The following NEGR1 variants were observed in gnomAD, a reference collection of about 807,000 sequenced individuals.
NEGR1 encodes IgLON family member 4.
In NEGR1, 10 loss-of-function variants were observed where a neutral mutation model predicts 40.9. The observed-to-expected ratio is 0.24, with a 90% confidence interval of 0.15 to 0.42. The LOEUF (loss-of-function observed/expected upper bound fraction) is 0.42, where lower values mean the gene tolerates loss of function less well. Among genes scored for constraint, NEGR1 ranks in the 10% least tolerant of loss-of-function variants. The pLI is 1.00. For synonymous variants in NEGR1, 185 were observed against 166.8 expected, an observed-to-expected ratio of 1.11 and a Z score of -0.84; for missense variants, 352 against 438.9, an observed-to-expected ratio of 0.80 and a Z score of 1.77.
chr1:72,006,649 T>C (rs1646609486), intron 1 of NEGR1, among the ~76,000 whole-genome samples: 1 of 151,670 alleles, frequency 6.6e-6, no homozygotes, highest in South Asian at 2.1e-4. Flanking sequence ...ACAATTACAT[T>C]AAAATAAAAG....
At chr1:71,445,431 C>G (rs1327953874) in intron 6 of NEGR1, among the ~76,000 whole-genome samples, 1 of 150,994 alleles carries the variant, frequency 6.6e-6, no homozygotes, top group African/African-American at 2.4e-5. Context: ...AAAAAAAACT[C>G]CAAATATTGT....
At chr1:71,594,192 A>G (rs529179223) in intron 5 of NEGR1, among the ~76,000 whole-genome samples, 1 of 152,322 alleles carries the variant, frequency 6.6e-6, no homozygotes, top group African/African-American at 2.4e-5. Flanking sequence ...TGTCAACTTG[A>G]TAATAACTTC....
intron 1 of NEGR1, among the ~76,000 whole-genome samples, chr1:72,156,915 A>G (rs1651378325): frequency 6.6e-6 from 1 of 151,280 alleles, no homozygotes; most frequent in Non-Finnish European, 1.5e-5. Flanking sequence ...CTATATATTA[A>G]TAAAACAGGG....
At chr1:71,771,063 A>G (rs1656300684) in intron 3 of NEGR1, among the ~76,000 whole-genome samples, 2 of 152,212 alleles carry the variant, frequency 1.3e-5, no homozygotes. Flanking sequence ...AATGCCCATC[A>G]ATGATAGACT....
At chr1:72,158,253 T>C (rs1651433261) in intron 1 of NEGR1, among the ~76,000 whole-genome samples, 1 of 152,160 alleles carries the variant, frequency 6.6e-6, no homozygotes, top group Non-Finnish European at 1.5e-5. Flanking sequence ...CTGAGGAATA[T>C]TCTATGAATA....
chr1:71,712,086 T>A (rs1654114974), intron 3 of NEGR1, among the ~76,000 whole-genome samples: 1 of 152,234 alleles, frequency 6.6e-6, no homozygotes, highest in Non-Finnish European at 1.5e-5. Flanking sequence ...TTGTTCTGTA[T>A]CTTGCTTATG....
chr1:71,927,362 A>G (rs1189738239), intron 2 of NEGR1, among the ~76,000 whole-genome samples: 1 of 152,150 alleles, frequency 6.6e-6, no homozygotes, highest in Admixed American at 6.5e-5. Flanking sequence ...ATATTTGGGG[A>G]AATAATCTTG....
intron 1 of NEGR1, among the ~76,000 whole-genome samples, chr1:71,952,757 T>C (rs563575359): frequency 4.9e-4 from 75 of 152,010 alleles, no homozygotes; most frequent in African/African-American, 1.7e-3. Context: ...GACTCTCTTG[T>C]TGGGGACTAG....
chr1:71,913,316 T>C lies in NEGR1; in HGVS notation c.409+21763A>G, dbSNP rs1483670248. On this transcript the variant is annotated intron_variant, in intron 2 of 6. Coordinates refer to ENST00000357731, the MANE Select transcript of NEGR1 (RefSeq NM_173808.3). ...TTTTAGTAGTGATGGGGTTCCGCCA[T>C]GTTGGCCAGGTTGGTCTTGAACTCC... Among the ~76,000 whole-genome samples the C allele has an allele frequency of 5.9e-5, 9 of 152,266 alleles. No individual in the cohort carries two copies. The East Asian group carries it at 1.7e-3, about 29-fold the overall frequency.
chr1:71,535,940 G>T (rs1313765852), intron 6 of NEGR1, among the ~76,000 whole-genome samples: 1 of 151,616 alleles, frequency 6.6e-6, no homozygotes, highest in Non-Finnish European at 1.5e-5. Context: ...GGGTTTGGAA[G>T]GATTAAAGAC....
At chr1:71,449,319 C>T (rs1646607278) in intron 6 of NEGR1, among the ~76,000 whole-genome samples, 2 of 152,190 alleles carry the variant, frequency 1.3e-5, no homozygotes, top group African/African-American at 4.8e-5. Context: ...AAACTATATT[C>T]AGTGGTGCCT....
intron 3 of NEGR1, among the ~76,000 whole-genome samples, chr1:71,739,104 C>T (rs1655127715): frequency 6.9e-6 from 1 of 145,228 alleles, no homozygotes; most frequent in Non-Finnish European, 1.5e-5. Context: ...AGGAAATTAA[C>T]ATTTGAGTCA....
At chr1:71,511,242 A>C (rs72936177) in intron 6 of NEGR1, among the ~76,000 whole-genome samples, 6,139 of 152,308 alleles carry the variant, frequency 0.04, 409 homozygotes, top group African/African-American at 0.14. Flanking sequence ...TTGCTGAAGT[A>C]AGTTTTGAGA....
At chr1:71,549,192 A>C (rs2101466829) in intron 6 of NEGR1, among the ~76,000 whole-genome samples, 1 of 151,884 alleles carries the variant, frequency 6.6e-6, no homozygotes, top group East Asian at 2.0e-4. Flanking sequence ...CATATTAGTC[A>C]GAATACATTA....
At chr1:72,223,159 G>T (rs1030726728) in intron 1 of NEGR1, among the ~76,000 whole-genome samples, 6 of 152,072 alleles carry the variant, frequency 3.9e-5, no homozygotes, top group African/African-American at 1.4e-4. Context: ...ATTACCCTCC[G>T]ATGACTTCCC....
chr1:71,619,844 G>A (rs1650555661), intron 4 of NEGR1, among the ~76,000 whole-genome samples: 1 of 152,084 alleles, frequency 6.6e-6, no homozygotes, highest in Admixed American at 6.6e-5. Context: ...GCAGGTGCAA[G>A]AAACAGAAAC....
intron 6 of NEGR1, among the ~76,000 whole-genome samples, chr1:71,427,938 A>G (rs1022274829): frequency 1.3e-5 from 2 of 152,070 alleles, no homozygotes; most frequent in African/African-American, 2.4e-5. Context: ...ATAATGAGAG[A>G]TGTGCTCAAA....
intron 4 of NEGR1, among the ~76,000 whole-genome samples, chr1:71,621,201 A>T (rs1355813107): frequency 6.6e-6 from 1 of 151,960 alleles, no homozygotes; most frequent in Admixed American, 6.6e-5. Flanking sequence ...TGAGTATATC[A>T]CATTTTACTC....
At chr1:72,275,497 T>C (rs1656017024) in intron 1 of NEGR1, among the ~76,000 whole-genome samples, 1 of 152,114 alleles carries the variant, frequency 6.6e-6, no homozygotes, top group Non-Finnish European at 1.5e-5. Flanking sequence ...CAATAAATTT[T>C]ATTTTTTTAT....
Sources: gnomAD v4.1 joint callset for allele counts (sites outside exome capture counted in the v4.1 genomes callset) on GRCh38, gnomAD v4.1.1 for gene constraint, MANE v1.5 for transcripts, NCBI Gene and HGNC (gene_info 2026-07-23, HGNC 2026-07-21) for gene names.